The following MED17 variants were observed in gnomAD, a reference collection of about 807,000 sequenced individuals.
MED17 encodes mediator complex subunit 17.
Under a neutral mutation model 80.8 loss-of-function variants are expected in MED17, and 49 were observed. The ratio of observed to expected loss-of-function variants is 0.61; its 90% CI spans 0.48 to 0.77. The LOEUF (loss-of-function observed/expected upper bound fraction) is 0.77. Among genes scored for constraint, MED17 ranks in the 30% least tolerant of loss-of-function variants. The pLI is 0.00. For synonymous variants in MED17, 281 were observed against 280.4 expected (o/e 1.00, Z -0.02); for missense variants, 718 against 787.0 (o/e 0.91, Z 1.05).
At chr11:93,797,855 C>A in intron 8 of MED17, 136 bp downstream of exon 8, 1 of 753,848 alleles carries the variant, frequency 1.3e-6, no homozygotes, top group Non-Finnish European at 2.2e-6. Flanking sequence ...AGTTTATTTG[C>A]GGTCATAGAC....
In MED17 at chr11:93,812,090, G is replaced by T. The variant is rs948311149; in HGVS notation, c.*26G>T. The T allele has an allele frequency of 1.9e-6, 3 of 1,600,802 alleles. No individual in the cohort carries two copies. The highest frequency in any genetic ancestry group is 2.6e-6 in the Non-Finnish European group (3 of 1,168,140). ...TTTTTTCCAGATGTTTCCTAAAGAA[G>T]TTTCCAGAAACTTTGACTTGAAATG... On this transcript the variant is annotated 3_prime_UTR_variant, in exon 12 of 12. Coordinates refer to ENST00000251871, the MANE Select transcript of MED17 (RefSeq NM_004268.5).
Position 93,807,580 on chromosome 11 carries a change from G to A in MED17, c.1529G>A (p.Arg510Lys). 1 of 1,613,674 alleles carries A rather than the reference G, an allele frequency of 6.2e-7. No individual in the cohort carries two copies. Among genetic ancestry groups the A allele is most frequent in the African/African-American group, 1.3e-5 (1 of 75,014 alleles). The stretch of plus-strand genomic sequence containing the variant: ...ATTCGAGTTGTACATAGAGATGGAA[G>A]AGTAATTACACTGTCTTATCAGGAG... Reference protein sequence around the residue: ...EQIRVVHRDGRVITLSYQEQE... With the variant: ...EQIRVVHRDGKVITLSYQEQE... The change falls in exon 10 of 12, where the codon AGA becomes AAA. Residue 510 changes from arginine to lysine, a missense_variant. Physicochemically the swap from Arg to Lys is conservative, Grantham distance 26. Coordinates refer to ENST00000251871, the MANE Select transcript of MED17 (RefSeq NM_004268.5).
rs1425010953 is a variant in MED17, at chr11:93,801,820, T to C, written c.1329-15T>C. On this transcript the variant is annotated splice_polypyrimidine_tract_variant and intron_variant, in intron 8 of 11. Transcript: ENST00000251871. ...TGGTGACTTAAAAAGTTTTTTAACTTCTTGTATTTAAAAGAGCTGCTGCAA... is the reference window on the plus strand; with the variant it reads ...TGGTGACTTAAAAAGTTTTTTAACTCCTTGTATTTAAAAGAGCTGCTGCAA... 6.2e-7 allele frequency: 1 copy of C among 1,611,982 alleles called. No individual in the cohort carries two copies. The highest frequency in any genetic ancestry group is 1.3e-5 in the African/African-American group (1 of 75,002).
intron 9 of MED17, chr11:93,807,134 G>T: frequency 5.3e-6 from 1 of 188,444 alleles, no homozygotes; most frequent in South Asian, 1.0e-4. Context: ...TTTTTTGGCC[G>T]GGTGCAGTGG....
At position 93,813,805 on chromosome 11, in the gene MED17, C is replaced by G. The variant is rs761904352; in HGVS notation, c.*1741C>G. ...CTGTTTTGGCTCACTGCAACCTCTG[C>G]CTCCTGGGTTCAAATGACTCTCATG... On this transcript the variant is annotated 3_prime_UTR_variant, in exon 12 of 12. Coordinates refer to ENST00000251871, the MANE Select transcript of MED17 (RefSeq NM_004268.5). The G allele has an allele frequency of 4.6e-5, 7 of 152,160 alleles. No individual in the cohort carries two copies. Among genetic ancestry groups the G allele is most frequent in the Non-Finnish European group, 8.8e-5 (6 of 68,052 alleles). The allele number at this position is 152,160 out of a possible 1,614,324, so 9.4% of individuals were successfully genotyped here. A position where few individuals can be genotyped will look rare whatever the true frequency, so the allele number is the denominator to read the frequency against.
intron 1 of MED17, among the ~76,000 whole-genome samples, chr11:93,785,097 G>C (rs1320749026): frequency 6.6e-6 from 1 of 152,248 alleles, no homozygotes; most frequent in African/African-American, 2.4e-5. Context: ...TCTGCCCCTT[G>C]CCGGCTGTGT....
chr11:93,814,781 G>A lies in MED17; in HGVS notation c.*2717G>A, dbSNP rs1944117106. 1 of 152,188 alleles carries A rather than the reference G, an allele frequency of 6.6e-6. No homozygotes were observed. The highest frequency in any genetic ancestry group is 1.5e-5 in the Non-Finnish European group (1 of 68,034). 9.4% of individuals were successfully genotyped at this position (152,188 alleles called of 1,614,324 possible). ...ATTTGTATGATGTTTTATATATGGT[G>A]AAGATATTGAGTGTTTTTCATCAGA... is the stretch of plus-strand genomic sequence containing the variant. On this transcript the variant is annotated 3_prime_UTR_variant, in exon 12 of 12. Transcript: ENST00000251871.
At chr11:93,791,477 G>T (rs1943835864) in intron 3 of MED17, among the ~76,000 whole-genome samples, 1 of 152,080 alleles carries the variant, frequency 6.6e-6, no homozygotes, top group African/African-American at 2.4e-5. Context: ...GGCTGAGGTG[G>T]GCAGATTGCT....
chr11:93,802,194 C>T (rs926708506), intron 9 of MED17, among the ~76,000 whole-genome samples: 1 of 151,710 alleles, frequency 6.6e-6, no homozygotes, highest in East Asian at 1.9e-4. Context: ...CCTTGAGCTC[C>T]GGGGTTCAAG....
intron 9 of MED17, 104 bp downstream of exon 9, chr11:93,802,076 T>C: frequency 9.3e-7 from 1 of 1,079,358 alleles, no homozygotes; most frequent in South Asian, 1.4e-5. Context: ...TAGGGTGGCA[T>C]AATATTTCTG....
chr11:93,793,072 G>T (rs894413289), intron 3 of MED17: 1 of 144,708 alleles, frequency 6.9e-6, no homozygotes, highest in African/African-American at 2.5e-5. Flanking sequence ...CTAAGCTCCA[G>T]AAGTATTTCA....
At position 93,793,799 on chromosome 11, in the gene MED17, C is replaced by T. The variant is rs1480240351; in HGVS notation, c.709C>T (p.Pro237Ser). 5 of 1,604,724 alleles carry T rather than the reference C, an allele frequency of 3.1e-6. No homozygotes were observed. Among genetic ancestry groups the T allele is most frequent in the Non-Finnish European group, 1.7e-6 (2 of 1,171,946 alleles). The change falls in exon 4 of 12, where the codon CCT becomes TCT. Residue 237 changes from proline to serine, a missense_variant. Pro to Ser is a moderately conservative substitution (Grantham distance 74). Coordinates refer to ENST00000251871, the MANE Select transcript of MED17 (RefSeq NM_004268.5). ...NTDLDLDKKI[P>S]EDYCPLDVQI... Reference sequence around the variant, plus strand: ...AGATCTCGATCTGGATAAAAAGATACCTGAAGATTACTGTCCTCTTGATGT... The same window carrying T: ...AGATCTCGATCTGGATAAAAAGATATCTGAAGATTACTGTCCTCTTGATGT...
intron 1 of MED17, 71 bp downstream of exon 1, chr11:93,784,834 C>G: frequency 2.6e-6 from 4 of 1,522,856 alleles, no homozygotes; most frequent in Non-Finnish European, 3.5e-6. Flanking sequence ...CCGCCTCTCC[C>G]GCGATGGGGG....
chr11:93,799,178 ATTTTTTTT>A (rs377623926), intron 8 of MED17, among the ~76,000 whole-genome samples: 1 of 116,772 alleles, frequency 8.6e-6, no homozygotes. Context: ...TCTACAAGAA[ATTTTTTTT>A]TTTTTTTTTT....
At chr11:93,793,478 A>G (rs1943863956) in intron 3 of MED17, 4 of 396,310 alleles carry the variant, frequency 1.0e-5, no homozygotes, top group Admixed American at 4.4e-5. Context: ...TTTTCTGTGG[A>G]ATTCTTATTA....
chr11:93,785,252 ATAAGCGTTTGAC>A (rs1362815905), intron 1 of MED17, among the ~76,000 whole-genome samples: 18 of 152,358 alleles, frequency 1.2e-4, no homozygotes, highest in African/African-American at 4.3e-4. Context: ...GTAGGCCGGG[ATAAGCGTTTGAC>A]TAGTGTTAAG....
intron 10 of MED17, 141 bp from the exon 11 acceptor site, chr11:93,809,576 C>T: frequency 1.2e-6 from 1 of 849,572 alleles, no homozygotes; most frequent in South Asian, 1.4e-5. Flanking sequence ...AAGTTACGCA[C>T]AGGAGGATTC....
intron 11 of MED17, chr11:93,811,568 GAT>G (rs1322118743): frequency 2.5e-6 from 1 of 398,496 alleles, no homozygotes; most frequent in Non-Finnish European, 4.5e-6. Flanking sequence ...ACAAAAAGAT[GAT>G]TTCCTGAAAT....
chr11:93,784,393 TCTTCTGAGGCACCGCGGCTGCGGG>T lies in MED17; in HGVS notation c.-112_-89del. The T allele has an allele frequency of 7.7e-7, 1 of 1,302,194 alleles. No individual in the cohort carries two copies. Among genetic ancestry groups the T allele is most frequent in the African/African-American group, 1.5e-5 (1 of 68,012 alleles). 80.7% of individuals were successfully genotyped at this position (1,302,194 alleles called of 1,614,324 possible). A position where few individuals can be genotyped will look rare whatever the true frequency, so the allele number is the denominator to read the frequency against. ...AGCGTTGCGTTCGGTTTCCCGAGGG[TCTTCTGAGGCACCGCGGCTGCGGG>T]CTTCTGAGTTCCCGGCTCTCCGCAG... On this transcript the variant is annotated 5_prime_UTR_variant, in exon 1 of 12. Transcript: ENST00000251871.
Sources: allele counts gnomAD v4.1 joint callset (sites outside exome capture counted in the v4.1 genomes callset), GRCh38; gene constraint gnomAD v4.1.1; transcripts MANE v1.5; gene names NCBI Gene and HGNC (gene_info 2026-07-23, HGNC 2026-07-21).